CENPW: variants seen among roughly 807,000 people sequenced by gnomAD.
CENPW encodes the protein centromere protein W, also known as cancer-up-regulated gene 2 protein.
A neutral mutation model predicts 11.1 loss-of-function variants in CENPW; 3 were observed. The observed-to-expected ratio is 0.27, with a 90% CI of 0.12 to 0.70. The LOEUF (loss-of-function observed/expected upper bound fraction) is 0.70. Among genes scored for constraint, CENPW ranks in the 30% least tolerant of loss-of-function variants. The pLI is 0.77. For synonymous variants in CENPW, 38 were observed against 42.0 expected (o/e 0.91, Z 0.37); for missense variants, 100 against 105.6 (o/e 0.95, Z 0.23).
At position 126,340,228 on chromosome 6, in the gene CENPW, C is replaced by T; in HGVS notation, c.-46C>T. On this transcript the variant is annotated 5_prime_UTR_variant, in exon 1 of 3. Coordinates refer to ENST00000368328, the MANE Select transcript of CENPW (RefSeq NM_001012507.4). ...GTGTCCCCGGAGCTTGTGTGCGATACAGAGAGCACCTCGGAAGCTGAGGCA... is the reference window on the plus strand; with the variant it reads ...GTGTCCCCGGAGCTTGTGTGCGATATAGAGAGCACCTCGGAAGCTGAGGCA... 6.3e-7 allele frequency: 1 copy of T among 1,594,988 alleles called. No individual in the cohort carries two copies. The highest frequency in any genetic ancestry group is 8.6e-7 in the Non-Finnish European group (1 of 1,165,166).
At chr6:126,344,631 A>G (rs1430310653) in intron 1 of CENPW, among the ~76,000 whole-genome samples, 1 of 152,218 alleles carries the variant, frequency 6.6e-6, no homozygotes, top group East Asian at 1.9e-4. Flanking sequence ...GCTTTACCTC[A>G]GAGTTCTTGT....
chr6:126,354,346 C>A, the CENPW span, among the ~76,000 whole-genome samples: 1 of 152,008 alleles, frequency 6.6e-6, no homozygotes, highest in East Asian at 1.9e-4. Flanking sequence ...TTTTTTGCAG[C>A]CCTTCTTCTG....
At chr6:126,421,213 A>G in the CENPW span, among the ~76,000 whole-genome samples, 1 of 152,168 alleles carries the variant, frequency 6.6e-6, no homozygotes, top group African/African-American at 2.4e-5. Flanking sequence ...ACACTGTAGT[A>G]TATTGATGAT....
chr6:126,463,329 A>T, the CENPW span, among the ~76,000 whole-genome samples: 1 of 152,048 alleles, frequency 6.6e-6, no homozygotes, highest in Non-Finnish European at 1.5e-5. Context: ...AATAAATCTG[A>T]CTTTTAGAAT....
downstream of CENPW, among the ~76,000 whole-genome samples, chr6:126,350,014 G>A (rs1364073796): frequency 6.6e-6 from 1 of 152,016 alleles, no homozygotes; most frequent in African/African-American, 2.4e-5. Flanking sequence ...GGTGCAAGCT[G>A]CTGTGTTCGG....
At chr6:126,347,551 C>G (rs1780433356) in intron 2 of CENPW, among the ~76,000 whole-genome samples, 1 of 151,976 alleles carries the variant, frequency 6.6e-6, no homozygotes, top group African/African-American at 2.4e-5. Context: ...TCTTGTAGGA[C>G]AGAGAAGTAC....
the CENPW span, among the ~76,000 whole-genome samples, chr6:126,452,954 A>G: frequency 6.0e-5 from 9 of 151,146 alleles, no homozygotes; most frequent in African/African-American, 2.2e-4. Flanking sequence ...GACACATGAC[A>G]GGCCATAAAG....
chr6:126,443,301 C>T, the CENPW span, among the ~76,000 whole-genome samples: 1 of 151,186 alleles, frequency 6.6e-6, no homozygotes, highest in Admixed American at 6.6e-5. Context: ...GTAGAAGAAA[C>T]TGCGTAATTT....
chr6:126,349,363 T>A (rs1780464973), downstream of CENPW, among the ~76,000 whole-genome samples: 1 of 152,036 alleles, frequency 6.6e-6, no homozygotes, highest in African/African-American at 2.4e-5. Flanking sequence ...TAGATTTGTT[T>A]AACCATTACT....
At chr6:126,349,414 C>G (rs1263358066), downstream of CENPW, among the ~76,000 whole-genome samples, 1 of 152,136 alleles carries the variant, frequency 6.6e-6, no homozygotes, top group African/African-American at 2.4e-5. Flanking sequence ...TCTCTTTGTG[C>G]TATCCTTTTA....
chr6:126,345,169 A>T (rs987509451), intron 1 of CENPW, among the ~76,000 whole-genome samples: 4 of 151,878 alleles, frequency 2.6e-5, no homozygotes, highest in African/African-American at 9.7e-5. Context: ...GTTCTTGTAG[A>T]TTAGGGCTTT....
At chr6:126,385,953 A>G in the CENPW span, among the ~76,000 whole-genome samples, 4 of 152,228 alleles carry the variant, frequency 2.6e-5, no homozygotes, top group South Asian at 4.1e-4. Context: ...GATTAGTTCA[A>G]TAGGTAAGCT....
chr6:126,430,434 A>G, the CENPW span, among the ~76,000 whole-genome samples: 1 of 152,232 alleles, frequency 6.6e-6, no homozygotes, highest in Non-Finnish European at 1.5e-5. Context: ...AAAGACATAT[A>G]TATACCAGCA....
chr6:126,470,017 A>T, the CENPW span, among the ~76,000 whole-genome samples: 1 of 152,256 alleles, frequency 6.6e-6, no homozygotes, highest in Non-Finnish European at 1.5e-5. Flanking sequence ...CATGAGGTAG[A>T]AAAGAAAAAC....
intron 2 of CENPW, among the ~76,000 whole-genome samples, chr6:126,347,919 A>G (rs141357321): frequency 1.3e-5 from 2 of 152,036 alleles, no homozygotes; most frequent in South Asian, 2.1e-4. Flanking sequence ...AAAATAATCT[A>G]CTTAACAGGT....
chr6:126,431,590 G>A, the CENPW span, among the ~76,000 whole-genome samples: 14 of 152,098 alleles, frequency 9.2e-5, no homozygotes, highest in Non-Finnish European at 1.9e-4. Context: ...CAAACAATCC[G>A]TTATTATGAA....
the CENPW span, among the ~76,000 whole-genome samples, chr6:126,378,887 G>C: frequency 1.3e-5 from 2 of 152,072 alleles, no homozygotes; most frequent in African/African-American, 4.8e-5. Context: ...AGAAAGATTA[G>C]CCACTGGCAT....
At chr6:126,467,938 C>T in the CENPW span, among the ~76,000 whole-genome samples, 1 of 152,020 alleles carries the variant, frequency 6.6e-6, no homozygotes, top group Non-Finnish European at 1.5e-5. Context: ...TTTTCCTTCC[C>T]CAAACTTGTA....
At chr6:126,441,600 C>A in the CENPW span, among the ~76,000 whole-genome samples, 1 of 151,438 alleles carries the variant, frequency 6.6e-6, no homozygotes, top group African/African-American at 2.4e-5. Context: ...TTGTCCCTCA[C>A]CCCTCTCCCA....
Sources: gnomAD v4.1 joint callset for allele counts (sites outside exome capture counted in the v4.1 genomes callset) on GRCh38, gnomAD v4.1.1 for gene constraint, MANE v1.5 for transcripts, NCBI Gene and HGNC (gene_info 2026-07-23, HGNC 2026-07-21) for gene names.